Variants in EML1 observed in about 807,000 individuals in gnomAD.
The protein encoded by EML1 is echinoderm microtubule-associated protein-like 1.
EML1 carries 27 observed loss-of-function variants against 110.4 expected under a neutral mutation model. The ratio of observed to expected loss-of-function variants is 0.24; its 90% CI spans 0.18 to 0.34. EML1 has a LOEUF of 0.34. EML1 is among the 10% of genes least tolerant of loss of function. The pLI is 1.00. For missense variants in EML1, 741 were observed against 1,030.9 expected (o/e 0.72, Z 3.85); for synonymous variants, 344 against 385.8 (o/e 0.89, Z 1.27).
intron 4 of EML1, among the ~76,000 whole-genome samples, chr14:99,879,476 G>A (rs910802350): frequency 1.3e-5 from 2 of 151,698 alleles, no homozygotes; most frequent in Non-Finnish European, 2.9e-5. Context: ...AGAAGGCTTA[G>A]TCATAAAGCA....
At chr14:99,859,840 A>G (rs1270488240) in intron 2 of EML1, among the ~76,000 whole-genome samples, 1 of 152,178 alleles carries the variant, frequency 6.6e-6, no homozygotes, top group African/African-American at 2.4e-5. Context: ...TATTCACGAT[A>G]CAAAATTGCA....
chr14:99,935,930 G>T (rs1595508756), intron 17 of EML1, 99 bp from the exon 18 acceptor site: 9 of 1,105,202 alleles, frequency 8.1e-6, no homozygotes, highest in Admixed American at 8.0e-5. Context: ...TTAATCTGGT[G>T]ATTTTGTCTA....
At position 99,870,645 on chromosome 14, in the gene EML1, A is replaced by G. The variant is rs534797028; in HGVS notation, c.383+4999A>G. On this transcript the variant is annotated intron_variant, in intron 3 of 21. Coordinates refer to ENST00000262233, the MANE Select transcript of EML1 (RefSeq NM_004434.3). Reference sequence around the variant, plus strand: ...AAATTGGAGCTAGTGTTCATTTATCATTCCAAAAATCCTAGGGCCCTTAAG... The same window carrying G: ...AAATTGGAGCTAGTGTTCATTTATCGTTCCAAAAATCCTAGGGCCCTTAAG... Among the ~76,000 whole-genome samples, 395 of 152,334 alleles carry G rather than the reference A, an allele frequency of 2.6e-3. 4 individuals carry two copies. The highest frequency in any genetic ancestry group is 8.8e-3 in the African/African-American group (366 of 41,580).
In EML1 at chr14:99,850,936, G is replaced by C. The variant is rs2058785975; in HGVS notation, c.151G>C (p.Asp51His). Residue 51 changes from aspartate (D) to histidine (H), a missense_variant, in exon 2 of 22, where the codon GAC (aspartate) becomes CAC (histidine). Asp to His is a moderately conservative substitution (Grantham distance 81, BLOSUM62 -1). Coordinates refer to ENST00000262233, the MANE Select transcript of EML1 (RefSeq NM_004434.3). ...GCAGAGAGTCCAGATGCAAGAAGAC[G>C]ACATCCAGCTGCTCAAATCAGCTCT... ...LEQRVQMQED[D>H]IQLLKSALAD... 6.2e-7 allele frequency: 1 copy of C among 1,614,172 alleles called. No homozygotes were observed. Among genetic ancestry groups the C allele is most frequent in the Non-Finnish European group, 8.5e-7 (1 of 1,180,028 alleles).
intron 3 of EML1, among the ~76,000 whole-genome samples, chr14:99,877,683 C>T (rs960958201): frequency 2.6e-5 from 4 of 152,186 alleles, no homozygotes; most frequent in South Asian, 2.1e-4. Flanking sequence ...TGTCGTTACT[C>T]GTGACGTCCT....
At chr14:99,866,623 C>T (rs554913630) in intron 3 of EML1, among the ~76,000 whole-genome samples, 10 of 147,668 alleles carry the variant, frequency 6.8e-5, no homozygotes, top group Non-Finnish European at 1.2e-4. Context: ...AGTATATTCA[C>T]GCATCTATTG....
chr14:99,793,128 A>G (rs2057697908), upstream of EML1, among the ~76,000 whole-genome samples: 1 of 149,040 alleles, frequency 6.7e-6, no homozygotes, highest in Admixed American at 6.7e-5. Context: ...CCAAGGGGAC[A>G]GCGGGCGGCA....
At chr14:99,812,124 C>A (rs1057387980) in intron 1 of EML1, among the ~76,000 whole-genome samples, 1 of 151,936 alleles carries the variant, frequency 6.6e-6, no homozygotes, top group East Asian at 1.9e-4. Context: ...GGTATTCATT[C>A]ATCTTTGAGA....
chr14:99,836,421 T>C (rs2058541872), intron 1 of EML1, among the ~76,000 whole-genome samples: 1 of 152,230 alleles, frequency 6.6e-6, no homozygotes, highest in African/African-American at 2.4e-5. Flanking sequence ...GTCAATTCTT[T>C]GGGATTTTCT....
At chr14:99,850,144 G>T in intron 1 of EML1, 11 of 424,938 alleles carry the variant, frequency 2.6e-5, no homozygotes, top group Non-Finnish European at 3.5e-5. Flanking sequence ...TTGTCATGTT[G>T]CCTAGGCTGA....
At chr14:99,900,004 C>T (rs1228997863) in intron 8 of EML1, among the ~76,000 whole-genome samples, 1 of 152,038 alleles carries the variant, frequency 6.6e-6, no homozygotes, top group African/African-American at 2.4e-5. Flanking sequence ...CCAAGGCCAG[C>T]ACCTTTTCTT....
At chr14:99,917,388 A>G (rs2060051172) in intron 15 of EML1, among the ~76,000 whole-genome samples, 1 of 152,138 alleles carries the variant, frequency 6.6e-6, no homozygotes, top group Admixed American at 6.5e-5. Flanking sequence ...TGGGCAGCAT[A>G]GGGAGACTCC....
chr14:99,911,235 G>A (rs1429490928), intron 12 of EML1, among the ~76,000 whole-genome samples, 187 bp from the exon 13 acceptor site: 1 of 152,122 alleles, frequency 6.6e-6, no homozygotes, highest in Non-Finnish European at 1.5e-5. Flanking sequence ...TTCATTCTAA[G>A]GTAACCCATT....
At chr14:99,922,289 T>C (rs1416454540) in intron 17 of EML1, among the ~76,000 whole-genome samples, 3 of 152,068 alleles carry the variant, frequency 2.0e-5, no homozygotes, top group Non-Finnish European at 2.9e-5. Context: ...CTAATTTTTG[T>C]ATTTTTAGTA....
chr14:99,825,336 A>G (rs2058334478), intron 1 of EML1, among the ~76,000 whole-genome samples: 1 of 152,136 alleles, frequency 6.6e-6, no homozygotes, highest in Non-Finnish European at 1.5e-5. Context: ...GATTGATTCC[A>G]TGACTTTGCT....
chr14:99,817,060 G>A (rs1278317035), intron 1 of EML1, among the ~76,000 whole-genome samples: 1 of 152,140 alleles, frequency 6.6e-6, no homozygotes, highest in Non-Finnish European at 1.5e-5. Context: ...GGAGCTGTCA[G>A]GCTTACAGAG....
rs116793086 is a variant in EML1 at position 99,927,032 on chromosome 14, G to A, written c.1909+6155G>A. On this transcript the variant is annotated intron_variant, in intron 17 of 21. Coordinates refer to ENST00000262233, the MANE Select transcript of EML1 (RefSeq NM_004434.3). ...CAAAGTGCTGGGATTACAGGCGTGA[G>A]CCACAGCACAGACCTGCCCTCTTAT... Among the ~76,000 whole-genome samples, 377 of 152,344 alleles carry A rather than the reference G, an allele frequency of 2.5e-3. 4 individuals are homozygous for A. Among genetic ancestry groups the A allele is most frequent in the African/African-American group, 7.9e-3 (328 of 41,592 alleles).
intron 1 of EML1, among the ~76,000 whole-genome samples, chr14:99,817,180 T>C (rs565377751): frequency 2.6e-5 from 4 of 152,320 alleles, no homozygotes; most frequent in South Asian, 4.1e-4. Flanking sequence ...CTACATTCAT[T>C]TTTTTGAGAA....
At chr14:99,752,127 C>T (rs991108974) in intron 1 of EML1, among the ~76,000 whole-genome samples, 2 of 152,166 alleles carry the variant, frequency 1.3e-5, no homozygotes, top group Admixed American at 6.5e-5. Flanking sequence ...GTTTAATATG[C>T]CATCAGCTGG....
Sources: gnomAD v4.1 joint callset for allele counts (sites outside exome capture counted in the v4.1 genomes callset) on GRCh38, gnomAD v4.1.1 for gene constraint, MANE v1.5 for transcripts, NCBI Gene and HGNC (gene_info 2026-07-23, HGNC 2026-07-21) for gene names.